MSH5: variants seen among roughly 807,000 people sequenced by gnomAD.
MSH5 encodes mutS protein homolog 5.
In MSH5, 78 loss-of-function variants were observed where a neutral mutation model predicts 107.7. The observed-to-expected ratio is 0.72, with a 90% CI of 0.60 to 0.87. The LOEUF (loss-of-function observed/expected upper bound fraction) is 0.87, where lower values mean the gene tolerates loss of function less well. Ranked by LOEUF, MSH5 falls within the 40% of genes least tolerant of loss-of-function variation. The probability of loss-of-function intolerance (pLI) is 0.00; values close to 1 mark genes in which losing one functional copy is unlikely to be tolerated. For synonymous variants in MSH5, 326 were observed against 399.5 expected, an observed-to-expected ratio of 0.82 and a Z score of 2.19; for missense variants, 889 against 1,046.6, an observed-to-expected ratio of 0.85 and a Z score of 2.08.
chr6:31,759,229 C>T lies in MSH5; in HGVS notation c.1407+52C>T. The T allele has an allele frequency of 1.3e-6, 2 of 1,533,904 alleles. No individual in the cohort carries two copies. The highest frequency in any genetic ancestry group is 1.8e-6 in the Non-Finnish European group (2 of 1,108,862). On this transcript the variant is annotated intron_variant, in intron 16 of 24. Transcript: ENST00000375750. The surrounding 1 kb of genome is among the most constrained non-coding windows in gnomAD (Gnocchi z 4.7). ...AGTGATGAGGAAAATGAGTCAGCAG[C>T]TGAGGAAGAGCGTTACTCTACAGCA...
intron 10 of MSH5, among the ~76,000 whole-genome samples, chr6:31,748,511 G>C (rs1172228428): frequency 6.6e-6 from 1 of 151,732 alleles, no homozygotes; most frequent in Non-Finnish European, 1.5e-5. Context: ...ACCACACCTG[G>C]CTAATTTTTG....
intron 9 of MSH5, among the ~76,000 whole-genome samples, chr6:31,745,793 A>G: frequency 7.9e-6 from 1 of 126,258 alleles, no homozygotes; most frequent in African/African-American, 3.4e-5. Flanking sequence ...TTTGATACAG[A>G]GTCTCGCTCT....
At chr6:31,744,358 A>G (rs1809212484) in intron 7 of MSH5, 59 bp downstream of exon 7, 1 of 1,608,358 alleles carries the variant, frequency 6.2e-7, no homozygotes, top group Non-Finnish European at 8.5e-7. Flanking sequence ...CCTGAAAAGT[A>G]AAGTGGGGGT....
chr6:31,755,702 C>T (rs1478947496), intron 12 of MSH5, among the ~76,000 whole-genome samples: 1 of 152,052 alleles, frequency 6.6e-6, no homozygotes, highest in East Asian at 1.9e-4. Context: ...CACTATGTTG[C>T]TCAAGGTGGT....
At chr6:31,753,133 TAAAC>T in intron 10 of MSH5, 164 bp from the exon 11 acceptor site, 2 of 805,436 alleles carry the variant, frequency 2.5e-6, no homozygotes, top group South Asian at 3.8e-5. Flanking sequence ...TAGATACATG[TAAAC>T]ACACCTGAAT....
intron 10 of MSH5, among the ~76,000 whole-genome samples, chr6:31,748,877 C>G (rs1157207409): frequency 6.6e-6 from 1 of 151,406 alleles, no homozygotes; most frequent in Non-Finnish European, 1.5e-5. Flanking sequence ...ATTATGGAAA[C>G]ATGTCATGCC....
chr6:31,756,165 C>CATTT (rs1211469298), intron 12 of MSH5, among the ~76,000 whole-genome samples: 5 of 151,378 alleles, frequency 3.3e-5, no homozygotes, highest in South Asian at 4.2e-4. Context: ...ATCTATTATT[C>CATTT]ATTTATTTAT....
intron 5 of MSH5, among the ~76,000 whole-genome samples, 172 bp from the exon 6 acceptor site, chr6:31,743,730 AAG>A (rs1251182280): frequency 2.6e-5 from 4 of 152,218 alleles, no homozygotes; most frequent in Non-Finnish European, 5.9e-5. Context: ...GTAGAATAAA[AAG>A]AGAATTAGAC....
chr6:31,761,642 G>A lies in MSH5; in HGVS notation c.2181+27G>A. On this transcript the variant is annotated intron_variant, in intron 22 of 24. Transcript: ENST00000375750. This position sits in a 1 kb window ranked among gnomAD's most constrained non-coding sequence, Gnocchi z 5.3. Reference sequence around the variant, plus strand: ...TGAGGAGACCAATCTAGCTCCTCGGGGACCCCCAGGCTGGGCATTTCCCAG... The same window carrying A: ...TGAGGAGACCAATCTAGCTCCTCGGAGACCCCCAGGCTGGGCATTTCCCAG... 1 of 1,613,874 alleles carries A rather than the reference G, an allele frequency of 6.2e-7. No homozygotes were observed. Among genetic ancestry groups the A allele is most frequent in the East Asian group, 2.2e-5 (1 of 44,886 alleles).
Position 31,760,770 on chromosome 6 carries a change from C to G in MSH5, c.1893C>G (p.Ile631Met), listed in dbSNP as rs1397242192. 4.3e-6 allele frequency: 7 copies of G among 1,612,926 alleles called. No homozygotes were observed. Among genetic ancestry groups the G allele is most frequent in the Non-Finnish European group, 5.9e-6 (7 of 1,180,044 alleles). Reference sequence around the variant, plus strand: ...CCGAAATTGGGGCAGTAGACGCCATCTTCACACGAATTCATAGCTGCGAAT... The same window carrying G: ...CCGAAATTGGGGCAGTAGACGCCATGTTCACACGAATTCATAGCTGCGAAT... ...EEAEIGAVDA[I>M]FTRIHSCESI... Residue 631 changes from isoleucine to methionine, a missense_variant, in exon 20 of 25, where the codon ATC becomes ATG. This residue lies in a region of MSH5 where 362 missense variants were observed against 456.2 expected (regional missense o/e 0.79). Transcript: ENST00000375750. This position sits in a 1 kb window ranked among gnomAD's most constrained non-coding sequence, Gnocchi z 5.6.
chr6:31,745,612 G>A (rs1288717650), intron 9 of MSH5, among the ~76,000 whole-genome samples: 1 of 152,056 alleles, frequency 6.6e-6, no homozygotes, highest in Non-Finnish European at 1.5e-5. Context: ...TAGGGACTTT[G>A]GGAGACCTTG....
At chr6:31,762,344 C>A in intron 24 of MSH5, 76 bp from the exon 25 acceptor site, 1 of 1,359,968 alleles carries the variant, frequency 7.4e-7, no homozygotes, top group Non-Finnish European at 1.0e-6. Context: ...GTTTTCTGTG[C>A]CACAGCCTCT....
chr6:31,746,155 G>A (rs1809445423), intron 9 of MSH5: 1 of 148,134 alleles, frequency 6.8e-6, no homozygotes, highest in Admixed American at 6.9e-5. Context: ...GGAGTGCAAT[G>A]GTGCGATCTC....
intron 12 of MSH5, among the ~76,000 whole-genome samples, chr6:31,756,360 C>T (rs906236100): frequency 2.0e-5 from 3 of 151,890 alleles, no homozygotes; most frequent in Admixed American, 6.6e-5. Context: ...TTAGTAGAGA[C>T]GGGATTTCAC....
At position 31,762,581 on chromosome 6, in the gene MSH5, A is replaced by C; in HGVS notation, c.*50A>C. The C allele has an allele frequency of 1.7e-6, 2 of 1,191,566 alleles. No homozygotes were observed. Among genetic ancestry groups the C allele is most frequent in the South Asian group, 1.3e-5 (1 of 79,134 alleles). 73.8% of individuals were successfully genotyped at this position (1,191,566 alleles called of 1,614,324 possible). A position where few individuals can be genotyped will look rare whatever the true frequency, so the allele number is the denominator to read the frequency against. On this transcript the variant is annotated 3_prime_UTR_variant, in exon 25 of 25. Transcript: ENST00000375750. ...CCTCCTGAGACTCCGGTGGGCTGCCATGCCCTCTTTGTTTCCTTATCTCCC... is the reference window on the plus strand; with the variant it reads ...CCTCCTGAGACTCCGGTGGGCTGCCCTGCCCTCTTTGTTTCCTTATCTCCC...
chr6:31,741,662 G>A (rs1372193664), intron 3 of MSH5, among the ~76,000 whole-genome samples: 3 of 151,948 alleles, frequency 2.0e-5, no homozygotes, highest in African/African-American at 7.3e-5. Context: ...GACTACAGGT[G>A]TGAGTCACCA....
At position 31,741,270 on chromosome 6, in the gene MSH5, C is replaced by G; in HGVS notation, c.255C>G (p.Leu85=). 1 of 1,612,380 alleles carries G rather than the reference C, an allele frequency of 6.2e-7. No homozygotes were observed. Among genetic ancestry groups the G allele is most frequent in the East Asian group, 2.2e-5 (1 of 44,860 alleles). ...CAGATGCCCCAGACCACGAGAGCCT[C>G]AAGCTTCTCCAGAGAGGTGGGGATG... is the stretch of plus-strand genomic sequence containing the variant. The part of the protein sequence containing the change: ...FMPDAPDHES[L]KLLQRVLDEI... Residue 85 remains leucine (L), a synonymous_variant, in exon 3 of 25, where the codon CTC becomes CTG. Transcript: ENST00000375750.
chr6:31,753,640 C>T lies in MSH5; in HGVS notation c.1014+11C>T. The T allele has an allele frequency of 1.2e-6, 2 of 1,613,922 alleles. No individual in the cohort carries two copies. The highest frequency in any genetic ancestry group is 1.7e-6 in the Non-Finnish European group (2 of 1,179,840). On this transcript the variant is annotated intron_variant, in intron 12 of 24. Coordinates refer to ENST00000375750, the MANE Select transcript of MSH5 (RefSeq NM_172166.4). ...CAGGTTCTCTACAAGGTAAGGCCTT[C>T]CTTCTTGAATCCCAAAAGTCCAGGT... is the stretch of plus-strand genomic sequence containing the variant.
At chr6:31,743,784 A>G (rs1209390712) in intron 5 of MSH5, 120 bp from the exon 6 acceptor site, 1 of 1,422,348 alleles carries the variant, frequency 7.0e-7, no homozygotes, top group Non-Finnish European at 9.5e-7. Flanking sequence ...CTTTCCATTA[A>G]CTGCCTGTGT....
Sources: allele counts gnomAD v4.1 joint callset (sites outside exome capture counted in the v4.1 genomes callset), GRCh38; gene constraint gnomAD v4.1.1; regional missense constraint gnomAD v4.1.1; non-coding constraint Gnocchi (gnomAD v3.1); transcripts MANE v1.5; gene names NCBI Gene and HGNC (gene_info 2026-07-23, HGNC 2026-07-21).